ADAMTS12: variants seen among roughly 807,000 people sequenced by gnomAD.
ADAMTS12 encodes the protein A disintegrin and metalloproteinase with thrombospondin motifs 12.
In ADAMTS12, 118 loss-of-function variants were observed where a neutral mutation model predicts 167.8. The observed-to-expected ratio is 0.70, with a 90% CI of 0.61 to 0.82. The LOEUF (loss-of-function observed/expected upper bound fraction) is 0.82. Ranked by LOEUF, ADAMTS12 falls within the 40% of genes least tolerant of loss-of-function variation. The pLI is 0.00. For missense variants in ADAMTS12, 1,916 were observed against 1,998.8 expected, an observed-to-expected ratio of 0.96 and a Z score of 0.79; for synonymous variants, 704 against 716.9, an observed-to-expected ratio of 0.98 and a Z score of 0.29.
At chr5:33,776,251 C>G (rs1443941130) in intron 2 of ADAMTS12, among the ~76,000 whole-genome samples, 1 of 152,150 alleles carries the variant, frequency 6.6e-6, no homozygotes, top group Non-Finnish European at 1.5e-5. Flanking sequence ...AACATTCCAT[C>G]CAACAGCAGC....
intron 17 of ADAMTS12, among the ~76,000 whole-genome samples, chr5:33,591,800 C>G (rs905717376): frequency 6.6e-6 from 1 of 152,074 alleles, no homozygotes; most frequent in East Asian, 1.9e-4. Flanking sequence ...AGACATTTTT[C>G]GTCGTCACAA....
At position 33,718,456 on chromosome 5, in the gene ADAMTS12, C is replaced by A. The variant is rs534834069; in HGVS notation, c.634+32948G>T. ...CATTAGATTCTCATAGGAATGTGAA[C>A]CCTATTCTGCACTGTATATCTGAGG... is the stretch of plus-strand genomic sequence containing the variant. On this transcript the variant is annotated intron_variant, in intron 3 of 23. Coordinates refer to ENST00000504830, the MANE Select transcript of ADAMTS12 (RefSeq NM_030955.4). 2.0e-5 allele frequency among the ~76,000 whole-genome samples: 3 copies of A among 152,260 alleles called. No individual in the cohort carries two copies. The South Asian group carries it at 6.2e-4, about 32-fold the overall frequency.
At chr5:33,884,520 C>T (rs1380104463) in intron 1 of ADAMTS12, among the ~76,000 whole-genome samples, 3 of 152,156 alleles carry the variant, frequency 2.0e-5, no homozygotes, top group Non-Finnish European at 2.9e-5. Flanking sequence ...CATAGCAAAC[C>T]CTCAAGATCT....
At chr5:33,793,192 T>A (rs1004779396) in intron 2 of ADAMTS12, among the ~76,000 whole-genome samples, 1 of 152,252 alleles carries the variant, frequency 6.6e-6, no homozygotes, top group African/African-American at 2.4e-5. Context: ...TTTTATTCCT[T>A]GCTAAAAATT....
chr5:33,815,158 C>A (rs1209011250), intron 2 of ADAMTS12, among the ~76,000 whole-genome samples: 3 of 152,174 alleles, frequency 2.0e-5, no homozygotes, highest in Non-Finnish European at 4.4e-5. Flanking sequence ...GCACTGATTA[C>A]TTTTGCAGGC....
At chr5:33,627,116 G>C (rs1359256128) in intron 13 of ADAMTS12, among the ~76,000 whole-genome samples, 1 of 150,184 alleles carries the variant, frequency 6.7e-6, no homozygotes, top group Non-Finnish European at 1.5e-5. Flanking sequence ...TGGTTGTGGT[G>C]GTGGTGGTGG....
chr5:33,746,341 C>G (rs942331019), intron 3 of ADAMTS12, among the ~76,000 whole-genome samples: 6 of 152,114 alleles, frequency 3.9e-5, no homozygotes, highest in Admixed American at 2.0e-4. Context: ...TAACTTTGTT[C>G]TGATTTATCA....
chr5:33,576,243 T>G lies in ADAMTS12; in HGVS notation c.3783A>C (p.Gly1261=). The part of the protein sequence containing the change: ...LGGDHQPEPS[G]KTANRNHLKL... The stretch of plus-strand genomic sequence containing the variant: ...TCAGGTGGTTACGGTTTGCCGTCTT[T>G]CCTGAGGGTTCTGGCTGGTGGTCTC... The change falls in exon 19 of 24, where the codon GGA becomes GGC. Residue 1261 remains glycine, a synonymous_variant. Transcript: ENST00000504830. 1 of 1,614,224 alleles carries G rather than the reference T, an allele frequency of 6.2e-7. No individual in the cohort carries two copies. Among genetic ancestry groups the G allele is most frequent in the Non-Finnish European group, 8.5e-7 (1 of 1,180,034 alleles).
At position 33,823,104 on chromosome 5, in the gene ADAMTS12, AAAAG is replaced by A. The variant is rs1211707319; in HGVS notation, c.489+58011_489+58014del. On this transcript the variant is annotated intron_variant, in intron 2 of 23. Coordinates refer to ENST00000504830, the MANE Select transcript of ADAMTS12 (RefSeq NM_030955.4). ...AGACCCCATTTCTAAAAAAAAAAAA[AAAAG>A]AAAGAAAAAGAAAAGAAATACAAAA... 5.3e-5 allele frequency among the ~76,000 whole-genome samples: 8 copies of A among 151,734 alleles called. No homozygotes were observed. The South Asian group carries it at 1.2e-3, about 24-fold the overall frequency.
chr5:33,624,053 T>C (rs556977910), intron 14 of ADAMTS12, among the ~76,000 whole-genome samples, 178 bp downstream of exon 14: 45 of 152,316 alleles, frequency 3.0e-4, no homozygotes, highest in African/African-American at 1.1e-3. Context: ...TCAACCCGTT[T>C]CCTACAACTG....
intron 2 of ADAMTS12, among the ~76,000 whole-genome samples, chr5:33,824,840 C>T (rs1747998104): frequency 1.3e-5 from 2 of 152,160 alleles, no homozygotes; most frequent in African/African-American, 4.8e-5. Flanking sequence ...AATCTGGCCC[C>T]TAAAATCTCC....
rs548650017 is a variant in ADAMTS12 at position 33,526,774 on chromosome 5, T to C, written c.*414A>G. On this transcript the variant is annotated 3_prime_UTR_variant, in exon 24 of 24. Transcript: ENST00000504830. ...GGAGGCAAGAAAAAAAAAAGAAAGG[T>C]ATTCATCAAGATAAATTAAGAAGAT... is the stretch of plus-strand genomic sequence containing the variant. 1.5e-3 allele frequency: 233 copies of C among 155,834 alleles called. No homozygotes were observed. The highest frequency in any genetic ancestry group is 5.4e-3 in the African/African-American group (223 of 41,640). The allele number at this position is 155,834 out of a possible 1,614,324, so 9.7% of individuals were successfully genotyped here.
intron 2 of ADAMTS12, among the ~76,000 whole-genome samples, chr5:33,782,299 A>G (rs1055833568): frequency 2.0e-5 from 3 of 152,234 alleles, no homozygotes; most frequent in East Asian, 3.9e-4. Flanking sequence ...TAGTTTAAAA[A>G]TATGGTTAAA....
chr5:33,847,274 T>G (rs1472528155), intron 2 of ADAMTS12, among the ~76,000 whole-genome samples: 2 of 152,138 alleles, frequency 1.3e-5, no homozygotes, highest in Non-Finnish European at 2.9e-5. Context: ...GGGTAGCACC[T>G]TCATGCAAGC....
chr5:33,826,301 A>C (rs1015545752), intron 2 of ADAMTS12, among the ~76,000 whole-genome samples: 4 of 152,142 alleles, frequency 2.6e-5, no homozygotes, highest in Non-Finnish European at 4.4e-5. Context: ...ACTTATAAAA[A>C]TGATAGTCTG....
chr5:33,771,711 T>C (rs916597288), intron 2 of ADAMTS12, among the ~76,000 whole-genome samples: 1 of 151,470 alleles, frequency 6.6e-6, no homozygotes, highest in African/African-American at 2.4e-5. Context: ...ATGGTACATT[T>C]TATATATTGT....
chr5:33,637,685 G>A lies in ADAMTS12; in HGVS notation c.1780C>T (p.His594Tyr), dbSNP rs764857191. The A allele has an allele frequency of 6.2e-7, 1 of 1,613,732 alleles. No individual in the cohort carries two copies. The highest frequency in any genetic ancestry group is 8.5e-7 in the Non-Finnish European group (1 of 1,179,740). ...GTTGGTGCCTCTGAGCGACAGGGGT[G>A]GACGTTGCACAAGCGATAGCGTTTT... ...ERKRYRLCNV[H>Y]PCRSEAPTFR... Residue 594 changes from histidine to tyrosine, a missense_variant, in exon 12 of 24, where the codon CAC becomes TAC. By Grantham distance (83) the His-to-Tyr change is moderately conservative (BLOSUM62 2). Coordinates refer to ENST00000504830, the MANE Select transcript of ADAMTS12 (RefSeq NM_030955.4).
chr5:33,610,286 A>G (rs1738668752), intron 16 of ADAMTS12, among the ~76,000 whole-genome samples: 1 of 152,206 alleles, frequency 6.6e-6, no homozygotes, highest in South Asian at 2.1e-4. Context: ...TGGATACTGT[A>G]CAACTTTTCA....
At chr5:33,589,173 T>C (rs1747517271) in intron 17 of ADAMTS12, among the ~76,000 whole-genome samples, 1 of 152,234 alleles carries the variant, frequency 6.6e-6, no homozygotes, top group Non-Finnish European at 1.5e-5. Context: ...ATATTTTCTT[T>C]ATATGAGTGT....
Sources: allele counts gnomAD v4.1 joint callset (sites outside exome capture counted in the v4.1 genomes callset), GRCh38; gene constraint gnomAD v4.1.1; transcripts MANE v1.5; gene names NCBI Gene and HGNC (gene_info 2026-07-23, HGNC 2026-07-21).